Variants in TTLL1 observed in about 807,000 individuals in gnomAD.
TTLL1 encodes TTL family tubulin polyglutamylase complex subunit L1.
Under a neutral mutation model 47.8 loss-of-function variants are expected in TTLL1, and 33 were observed. The ratio of observed to expected loss-of-function variants is 0.69; its 90% CI spans 0.52 to 0.92. TTLL1 has a LOEUF of 0.92. TTLL1 is among the 40% of genes least tolerant of loss of function. The probability of loss-of-function intolerance (pLI) is 0.00; values close to 1 mark genes in which losing one functional copy is unlikely to be tolerated. For synonymous variants in TTLL1, 225 were observed against 214.1 expected, an observed-to-expected ratio of 1.05 and a Z score of -0.45; for missense variants, 488 against 547.5, an observed-to-expected ratio of 0.89 and a Z score of 1.08.
intron 1 of TTLL1, among the ~76,000 whole-genome samples, chr22:43,080,902 CTTTTTTTTTTTTTTTT>C (rs10529079): frequency 0.029 from 2,008 of 69,344 alleles, 111 homozygotes; most frequent in Middle Eastern, 0.07. Context: ...TGTTGCATGA[CTTTTTTTTTTTTTTTT>C]TTTTTTTTTT....
At chr22:43,058,069 G>A (rs1002325593) in intron 8 of TTLL1, among the ~76,000 whole-genome samples, 4 of 151,294 alleles carry the variant, frequency 2.6e-5, no homozygotes, top group Non-Finnish European at 4.4e-5. Flanking sequence ...TCAGCCTCCC[G>A]AGTAGCTGGG....
rs145105673 is a variant in TTLL1, at chr22:43,072,592, C to G, written c.114-2748G>C. Among the ~76,000 whole-genome samples the G allele has an allele frequency of 4.2e-3, 633 of 152,266 alleles. 1 individual carries two copies. Among genetic ancestry groups the G allele is most frequent in the Non-Finnish European group, 7.3e-3 (496 of 68,020 alleles). On this transcript the variant is annotated intron_variant, in intron 3 of 10. Coordinates refer to ENST00000266254, the MANE Select transcript of TTLL1 (RefSeq NM_012263.5). ...GCTCAAGCAAGCCTCCCACCTCAGC[C>G]TCTCAAGTAGCTGGGGCTACAGGCA...
intron 2 of TTLL1, among the ~76,000 whole-genome samples, chr22:43,078,212 T>G (rs981806755): frequency 1.3e-5 from 2 of 151,664 alleles, no homozygotes; most frequent in Admixed American, 6.6e-5. Flanking sequence ...AGAACCAGAC[T>G]CAGCTGGGTG....
intron 2 of TTLL1, among the ~76,000 whole-genome samples, 157 bp downstream of exon 2, chr22:43,079,745 A>C (rs1204335831): frequency 1.3e-5 from 2 of 152,160 alleles, no homozygotes; most frequent in Non-Finnish European, 2.9e-5. Flanking sequence ...CCCCAAACCT[A>C]CCGAGGCAGA....
At chr22:43,074,427 C>CAAAAAAAAAAA (rs61701643) in intron 3 of TTLL1, among the ~76,000 whole-genome samples, 3 of 85,734 alleles carry the variant, frequency 3.5e-5, no homozygotes, top group Non-Finnish European at 5.3e-5. Flanking sequence ...AATTTCGTCT[C>CAAAAAAAAAAA]AAAAAAAAAA....
intron 10 of TTLL1, among the ~76,000 whole-genome samples, chr22:43,044,144 CCT>C (rs1444912007): frequency 6.6e-6 from 1 of 152,080 alleles, no homozygotes; most frequent in Admixed American, 6.6e-5. Context: ...TCCCCGCTGC[CCT>C]CTGTCTTGCC....
chr22:43,047,454 A>T (rs1423136896), intron 9 of TTLL1, among the ~76,000 whole-genome samples: 1 of 152,172 alleles, frequency 6.6e-6, no homozygotes, highest in Non-Finnish European at 1.5e-5. Context: ...AGAGTCCCAC[A>T]GGCCCTCAGT....
At chr22:43,073,825 A>T (rs1284915715) in intron 3 of TTLL1, among the ~76,000 whole-genome samples, 25 of 143,412 alleles carry the variant, frequency 1.7e-4, no homozygotes, top group African/African-American at 4.2e-4. Flanking sequence ...TTATTTATTT[A>T]TTTATTTATT....
At chr22:43,055,016 A>G (rs1926906222) in intron 8 of TTLL1, among the ~76,000 whole-genome samples, 1 of 146,010 alleles carries the variant, frequency 6.8e-6, no homozygotes, top group African/African-American at 2.6e-5. Flanking sequence ...GAGCCACCGC[A>G]CCCAGCCCCT....
At chr22:43,067,718 C>A (rs778032916) in intron 5 of TTLL1, among the ~76,000 whole-genome samples, 1 of 152,062 alleles carries the variant, frequency 6.6e-6, no homozygotes, top group African/African-American at 2.4e-5. Flanking sequence ...CGCCTGTAAT[C>A]CCAGCACTTT....
intron 1 of TTLL1, among the ~76,000 whole-genome samples, chr22:43,084,348 C>A (rs1356804545): frequency 2.0e-5 from 3 of 151,960 alleles, no homozygotes; most frequent in African/African-American, 7.3e-5. Context: ...TGGGGTTTCA[C>A]CATGTTGTCC....
chr22:43,062,558 A>G (rs1312926549), intron 7 of TTLL1, among the ~76,000 whole-genome samples: 4 of 151,856 alleles, frequency 2.6e-5, no homozygotes, highest in Non-Finnish European at 4.4e-5. Flanking sequence ...CGCCAGGCGC[A>G]GTGGCACACG....
chr22:43,054,677 C>T (rs948333407), intron 8 of TTLL1, among the ~76,000 whole-genome samples: 2 of 151,464 alleles, frequency 1.3e-5, no homozygotes, highest in African/African-American at 4.9e-5. Context: ...ACCCACCTCG[C>T]CCTCCCAAAG....
intron 4 of TTLL1, among the ~76,000 whole-genome samples, chr22:43,069,305 T>C (rs1209622646): frequency 6.7e-6 from 1 of 150,284 alleles, no homozygotes; most frequent in Non-Finnish European, 1.5e-5. Context: ...GGCAGGAGAA[T>C]TGCTTGAACT....
chr22:43,079,413 G>A lies in TTLL1; in HGVS notation c.-5+489C>T, dbSNP rs114828954. 8.7e-3 allele frequency among the ~76,000 whole-genome samples: 1,118 copies of A among 128,502 alleles called. 10 individuals are homozygous for A. Among genetic ancestry groups the A allele is most frequent in the Middle Eastern group, 0.028 (5 of 176 alleles). The allele number at this position is 128,502 out of a possible 152,430, so 84.3% of individuals were successfully genotyped here. On this transcript the variant is annotated intron_variant, in intron 2 of 10. Coordinates refer to ENST00000266254, the MANE Select transcript of TTLL1 (RefSeq NM_012263.5). ...GGAGCTGCATCCCAGAGCGTGAGCC[G>A]ATTCCACACCCCTCACACCCGCAGA...
rs746514778 is a variant in TTLL1, at chr22:43,039,734, G to A, written c.*42C>T. 188 of 1,540,464 alleles carry A rather than the reference G, an allele frequency of 1.2e-4. No homozygotes were observed. Among genetic ancestry groups the A allele is most frequent in the Non-Finnish European group, 1.6e-4 (182 of 1,139,564 alleles). On this transcript the variant is annotated 3_prime_UTR_variant, in exon 11 of 11. Transcript: ENST00000266254. ...ATTTCAAAATAGGGCTTCAGCAGGG[G>A]CCCAGGTGGAGTGAGTAGTTTTGAT...
chr22:43,080,902 CTTTT>C (rs10529079), intron 1 of TTLL1, among the ~76,000 whole-genome samples: 70 of 69,260 alleles, frequency 1.0e-3, no homozygotes, highest in African/African-American at 2.9e-3. Context: ...TGTTGCATGA[CTTTT>C]TTTTTTTTTT....
At chr22:43,078,601 A>T (rs1415585004) in intron 2 of TTLL1, among the ~76,000 whole-genome samples, 1 of 152,068 alleles carries the variant, frequency 6.6e-6, no homozygotes, top group African/African-American at 2.4e-5. Flanking sequence ...ACTACTCTAA[A>T]GTGCCGCCTC....
At chr22:43,059,624 CT>C (rs1927271081) in intron 7 of TTLL1, 97 bp from the exon 8 acceptor site, 1 of 1,433,302 alleles carries the variant, frequency 7.0e-7, no homozygotes, top group Non-Finnish European at 9.3e-7. Context: ...GGAGTGCCCC[CT>C]GGGTGTGGGC....
Sources: gnomAD v4.1 joint callset for allele counts (sites outside exome capture counted in the v4.1 genomes callset) on GRCh38, gnomAD v4.1.1 for gene constraint, MANE v1.5 for transcripts, NCBI Gene and HGNC (gene_info 2026-07-23, HGNC 2026-07-21) for gene names.